Variants in KLK3 observed in about 807,000 individuals in gnomAD.
KLK3 encodes prostate-specific antigen.
KLK3 carries 23 observed loss-of-function variants against 27.7 expected under a neutral mutation model. That is an observed-to-expected ratio of 0.83 (90% confidence interval 0.60 to 1.17). The LOEUF (loss-of-function observed/expected upper bound fraction) is 1.17, where lower values mean the gene tolerates loss of function less well. Among genes scored for constraint, KLK3 ranks in the 50% most tolerant of loss-of-function variants. KLK3 has a pLI of 0.00. For missense variants in KLK3, 322 were observed against 338.1 expected, an observed-to-expected ratio of 0.95 and a Z score of 0.37; for synonymous variants, 142 against 134.2, an observed-to-expected ratio of 1.06 and a Z score of -0.40.
At chr19:50,858,715 C>A in intron 4 of KLK3, 120 bp downstream of exon 4, 1 of 1,105,966 alleles carries the variant, frequency 9.0e-7, no homozygotes, top group Non-Finnish European at 1.3e-6. Context: ...GTAGCCATGC[C>A]ACCTCCCCGT....
rs527689854 is a variant in KLK3 at position 50,857,117 on chromosome 19, C to T, written c.206+718C>T. 4.4e-5 allele frequency among the ~76,000 whole-genome samples: 6 copies of T among 136,926 alleles called. No homozygotes were observed. In the South Asian group the frequency reaches 7.0e-4, roughly 16 times the overall value. 89.8% of individuals were successfully genotyped at this position (136,926 alleles called of 152,430 possible). ...GGTGGAGGTTGCAGTGAGCCGAGAC[C>T]GTGCCACTGCACTCCAGCCTGGGTG... On this transcript the variant is annotated intron_variant, in intron 2 of 4. Transcript: ENST00000326003.
At position 50,856,264 on chromosome 19, in the gene KLK3, G is replaced by A. The variant is rs147446084; in HGVS notation, c.71G>A (p.Arg24Gln). ...GGTGCTGCACCCCTCATCCTGTCTC[G>A]GATTGTGGGAGGCTGGGAGTGCGAG... ...WIGAAPLILS[R>Q]IVGGWECEKH... The change falls in exon 2 of 5, where the codon CGG becomes CAG. Residue 24 changes from arginine (R) to glutamine (Q), a missense_variant. Physicochemically the swap from Arg to Gln is conservative, Grantham distance 43 (BLOSUM62 1). Coordinates refer to ENST00000326003, the MANE Select transcript of KLK3 (RefSeq NM_001648.2). 139 of 1,612,732 alleles carry A rather than the reference G, an allele frequency of 8.6e-5. No homozygotes were observed. The highest frequency in any genetic ancestry group is 5.5e-5 in the South Asian group (5 of 91,016).
Position 50,860,244 on chromosome 19 carries a change from T to C in KLK3, c.*117T>C, listed in dbSNP as rs116064912. 2.8e-3 allele frequency: 2,178 copies of C among 772,606 alleles called. 31 individuals carry two copies. The African/African-American group carries it at 0.034, about 12-fold the overall frequency. 47.9% of individuals were successfully genotyped at this position (772,606 alleles called of 1,614,324 possible). A position where few individuals can be genotyped will look rare whatever the true frequency, so the allele number is the denominator to read the frequency against. On this transcript the variant is annotated 3_prime_UTR_variant, in exon 5 of 5. Coordinates refer to ENST00000326003, the MANE Select transcript of KLK3 (RefSeq NM_001648.2). ...CCTTAGGTGTGAGGTCCAGGGTTGC[T>C]AGGAAAAGAAATCAGCAGACACAGG...
intron 1 of KLK3, chr19:50,855,742 A>G (rs1396393367): frequency 6.5e-6 from 1 of 153,502 alleles, no homozygotes; most frequent in African/African-American, 2.4e-5. Context: ...AAATAAAACA[A>G]AACCAACTCA....
intron 2 of KLK3, 187 bp from the exon 3 acceptor site, chr19:50,857,842 C>G: frequency 1.2e-5 from 7 of 580,468 alleles, no homozygotes; most frequent in South Asian, 2.4e-5. Context: ...TGTATCTGCC[C>G]TTCACCCTCT....
intron 2 of KLK3, among the ~76,000 whole-genome samples, chr19:50,857,040 G>A (rs1035898086): frequency 6.6e-6 from 1 of 151,796 alleles, no homozygotes; most frequent in African/African-American, 2.4e-5. Context: ...GCGCATGCCT[G>A]TAGTCCCAGC....
chr19:50,860,336 T>G lies in KLK3; in HGVS notation c.*209T>G. 1.3e-5 allele frequency: 6 copies of G among 462,418 alleles called. No individual in the cohort carries two copies. The highest frequency in any genetic ancestry group is 7.8e-6 in the Non-Finnish European group (2 of 255,752). 28.6% of individuals were successfully genotyped at this position (462,418 alleles called of 1,614,324 possible). ...TCTGTGTCCTGGGGAATACTGGCCA[T>G]GCCTGGAGACATATCACTCAATTTC... On this transcript the variant is annotated 3_prime_UTR_variant, in exon 5 of 5. Coordinates refer to ENST00000326003, the MANE Select transcript of KLK3 (RefSeq NM_001648.2).
In KLK3 at chr19:50,856,289, G is replaced by A; in HGVS notation, c.96G>A (p.Glu32=). 1 of 1,613,318 alleles carries A rather than the reference G, an allele frequency of 6.2e-7. No homozygotes were observed. The highest frequency in any genetic ancestry group is 8.5e-7 in the Non-Finnish European group (1 of 1,179,994). The part of the protein sequence containing the change: ...LSRIVGGWEC[E]KHSQPWQVLV... ...GGATTGTGGGAGGCTGGGAGTGCGA[G>A]AAGCATTCCCAACCCTGGCAGGTGC... Residue 32 remains glutamate (E), a synonymous_variant, in exon 2 of 5, where the codon GAG becomes GAA. Coordinates refer to ENST00000326003, the MANE Select transcript of KLK3 (RefSeq NM_001648.2).
At chr19:50,855,041 C>T (rs768847189) in intron 1 of KLK3, 40 bp downstream of exon 1, 1 of 1,600,322 alleles carries the variant, frequency 6.2e-7, no homozygotes, top group South Asian at 1.1e-5. Context: ...GGAGAGGGAG[C>T]CAGCCCTGAC....
At chr19:50,855,138 C>T (rs2292186) in intron 1 of KLK3, 137 bp downstream of exon 1, 206,858 of 797,496 alleles carry the variant, frequency 0.26, 29,151 homozygotes, top group Admixed American at 0.37. Flanking sequence ...CAGCCCCACT[C>T]CAAGCCCATA....
chr19:50,859,105 G>C (rs928955846), intron 4 of KLK3: 3 of 200,344 alleles, frequency 1.5e-5, no homozygotes, highest in African/African-American at 6.9e-5. Context: ...ACCTGGGGGA[G>C]CAGAGGGAAC....
chr19:50,857,894 GA>G, intron 2 of KLK3, 134 bp from the exon 3 acceptor site: 1 of 940,884 alleles, frequency 1.1e-6, no homozygotes, highest in South Asian at 1.8e-5. Context: ...TTTTTGGCCT[GA>G]ACTGTGTCTT....
chr19:50,858,672 C>T, intron 4 of KLK3, 77 bp downstream of exon 4: 1 of 1,549,594 alleles, frequency 6.5e-7, no homozygotes, highest in Non-Finnish European at 8.8e-7. Context: ...GTCTAGAAGC[C>T]AACAAGGCGT....
At chr19:50,857,836 T>A in intron 2 of KLK3, 193 bp from the exon 3 acceptor site, 1 of 585,560 alleles carries the variant, frequency 1.7e-6, no homozygotes, top group African/African-American at 1.9e-5. Flanking sequence ...AGTTTCTGTA[T>A]CTGCCCTTCA....
Position 50,859,984 on chromosome 19 carries a change from G to C in KLK3, c.643G>C (p.Gly215Arg). 1 of 1,612,730 alleles carries C rather than the reference G, an allele frequency of 6.2e-7. No individual in the cohort carries two copies. Among genetic ancestry groups the C allele is most frequent in the Non-Finnish European group, 8.5e-7 (1 of 1,179,070 alleles). The change falls in exon 5 of 5, where the codon GGC becomes CGC. Residue 215 changes from glycine to arginine, a missense_variant. By Grantham distance (125) the Gly-to-Arg change is moderately radical. Coordinates refer to ENST00000326003, the MANE Select transcript of KLK3 (RefSeq NM_001648.2). ...GKSTCSGDSG[G>R]PLVCNGVLQG... Reference sequence around the variant, plus strand: ...CTTTTACCCTTAGGGTGATTCTGGGGGCCCACTTGTCTGTAATGGTGTGCT... The same window carrying C: ...CTTTTACCCTTAGGGTGATTCTGGGCGCCCACTTGTCTGTAATGGTGTGCT...
chr19:50,855,079 A>G (rs745500015), intron 1 of KLK3, 78 bp downstream of exon 1: 116 of 1,444,870 alleles, frequency 8.0e-5, no homozygotes, highest in Middle Eastern at 1.7e-4. Flanking sequence ...TTCCCCCCCA[A>G]CCCAGCACCC....
chr19:50,855,328 A>G, intron 1 of KLK3: 1 of 397,858 alleles, frequency 2.5e-6, no homozygotes, highest in Non-Finnish European at 4.6e-6. Context: ...ACCTCCAAGG[A>G]CCTCTCTCAA....
At chr19:50,857,664 C>T in intron 2 of KLK3, 5 of 162,674 alleles carry the variant, frequency 3.1e-5, no homozygotes, top group Admixed American at 1.3e-4. Flanking sequence ...TGGTTTTGTT[C>T]TTCTCTCTCT....
chr19:50,855,347 G>T (rs2090140642), intron 1 of KLK3: 2 of 352,078 alleles, frequency 5.7e-6, no homozygotes, highest in Admixed American at 4.1e-5. Context: ...AATGCCATTG[G>T]TTCCTTGGAC....
Sources: allele counts gnomAD v4.1 joint callset (sites outside exome capture counted in the v4.1 genomes callset), GRCh38; gene constraint gnomAD v4.1.1; transcripts MANE v1.5; gene names NCBI Gene and HGNC (gene_info 2026-07-23, HGNC 2026-07-21).